PRKCH: variants seen among roughly 807,000 people sequenced by gnomAD.
The protein encoded by PRKCH is protein kinase C eta type.
A neutral mutation model predicts 82.5 loss-of-function variants in PRKCH; 28 were observed. The observed-to-expected ratio is 0.34, with a 90% CI of 0.25 to 0.47. The LOEUF is 0.47. Among genes scored for constraint, PRKCH ranks in the 20% least tolerant of loss-of-function variants. PRKCH has a pLI of 1.00. For synonymous variants in PRKCH, 322 were observed against 327.4 expected, an observed-to-expected ratio of 0.98 and a Z score of 0.18; for missense variants, 705 against 881.8, an observed-to-expected ratio of 0.80 and a Z score of 2.54.
intron 1 of PRKCH, among the ~76,000 whole-genome samples, chr14:61,313,396 C>T (rs1429051194): frequency 6.6e-6 from 1 of 152,186 alleles, no homozygotes. Context: ...TCACATGCTT[C>T]TATCACTAAT....
intron 2 of PRKCH, among the ~76,000 whole-genome samples, chr14:61,437,674 G>C (rs1883741433): frequency 6.6e-6 from 1 of 152,068 alleles, no homozygotes; most frequent in African/African-American, 2.4e-5. Context: ...AGTGCAGGGT[G>C]TGTGGAAGAT....
intron 2 of PRKCH, among the ~76,000 whole-genome samples, chr14:61,427,257 G>A (rs753057823): frequency 6.6e-6 from 1 of 152,168 alleles, no homozygotes; most frequent in Non-Finnish European, 1.5e-5. Context: ...ATTATCTAAG[G>A]ACTTAGAATC....
chr14:61,240,856 C>T (rs2044831017), intron 1 of PRKCH, among the ~76,000 whole-genome samples: 1 of 152,156 alleles, frequency 6.6e-6, no homozygotes, highest in African/African-American at 2.4e-5. Flanking sequence ...GAAAAACAAA[C>T]TCAGTTTCTC....
chr14:61,450,539 A>G (rs537753528), intron 5 of PRKCH, among the ~76,000 whole-genome samples: 26 of 152,316 alleles, frequency 1.7e-4, no homozygotes, highest in African/African-American at 5.8e-4. Flanking sequence ...GTGTTAGGGG[A>G]TTGGCAAGGA....
intron 10 of PRKCH, among the ~76,000 whole-genome samples, chr14:61,523,528 A>C (rs1053811925): frequency 6.6e-6 from 1 of 152,236 alleles, no homozygotes; most frequent in Non-Finnish European, 1.5e-5. Flanking sequence ...CTGTCTAGCT[A>C]TATAATCTTG....
chr14:61,526,070 G>A (rs2140000425), intron 10 of PRKCH, among the ~76,000 whole-genome samples: 1 of 152,254 alleles, frequency 6.6e-6, no homozygotes, highest in African/African-American at 2.4e-5. Flanking sequence ...TCCTTCACTG[G>A]GCAGGACCAC....
intron 1 of PRKCH, among the ~76,000 whole-genome samples, chr14:61,251,834 C>CT (rs796229559): frequency 6.3e-4 from 94 of 148,462 alleles, no homozygotes; most frequent in Admixed American, 2.4e-3. Flanking sequence ...GTATAAGGGT[C>CT]TTTTTTTTTT....
intron 10 of PRKCH, among the ~76,000 whole-genome samples, chr14:61,488,326 A>G (rs1216759614): frequency 1.3e-5 from 2 of 152,140 alleles, no homozygotes; most frequent in African/African-American, 4.8e-5. Flanking sequence ...CTGAGTGTCA[A>G]TCAATCAATA....
chr14:61,304,386 T>C (rs1194008864), intron 1 of PRKCH: 2 of 152,250 alleles, frequency 1.3e-5, no homozygotes, highest in African/African-American at 2.4e-5. Flanking sequence ...TATTTATTAC[T>C]TTCTGTAGTT....
chr14:61,527,573 C>G (rs921787713), intron 10 of PRKCH, among the ~76,000 whole-genome samples: 6 of 152,158 alleles, frequency 3.9e-5, no homozygotes, highest in South Asian at 2.1e-4. Flanking sequence ...TCAGCCTCCC[C>G]CAACTGATCT....
intron 1 of PRKCH, among the ~76,000 whole-genome samples, chr14:61,326,501 T>C (rs1182889345): frequency 6.6e-6 from 1 of 152,196 alleles, no homozygotes; most frequent in African/African-American, 2.4e-5. Context: ...GTTATTCTGA[T>C]TGTGGCAATG....
intron 1 of PRKCH, among the ~76,000 whole-genome samples, chr14:61,235,745 T>G (rs1380767982): frequency 2.0e-5 from 3 of 152,220 alleles, no homozygotes; most frequent in Non-Finnish European, 4.4e-5. Context: ...TTTAATAGTC[T>G]AATTGAGCAA....
chr14:61,425,739 G>T (rs929940632), intron 2 of PRKCH, among the ~76,000 whole-genome samples: 10 of 152,180 alleles, frequency 6.6e-5, no homozygotes, highest in African/African-American at 2.2e-4. Flanking sequence ...TTTGGGAAGG[G>T]CCAGGGCTGG....
intron 2 of PRKCH, among the ~76,000 whole-genome samples, chr14:61,436,456 C>T (rs201989679): frequency 0.018 from 2,741 of 148,272 alleles, 88 homozygotes; most frequent in African/African-American, 0.065. Context: ...ACTATGAGTA[C>T]ATAGTTAAGC....
intron 10 of PRKCH, among the ~76,000 whole-genome samples, chr14:61,489,379 G>A (rs146712483): frequency 6.6e-6 from 1 of 152,356 alleles, no homozygotes; most frequent in East Asian, 1.9e-4. Context: ...AGCTTCAGAA[G>A]GTAGTACCTT....
upstream of PRKCH, among the ~76,000 whole-genome samples, chr14:61,320,602 A>AACAAC (rs1555375325): frequency 0.5 from 76,086 of 151,448 alleles, 22,979 homozygotes; most frequent in Non-Finnish European, 0.66. Context: ...TCCGTCTCAA[A>AACAAC]AACAACAACA....
intron 9 of PRKCH, among the ~76,000 whole-genome samples, chr14:61,481,974 GTCT>G (rs1885994273): frequency 1.4e-5 from 2 of 147,806 alleles, no homozygotes; most frequent in East Asian, 4.1e-4. Context: ...TGATGTGTGG[GTCT>G]TCTTTCCTTT....
In PRKCH at chr14:61,456,855, G is replaced by A. The variant is rs112184730; in HGVS notation, c.961-321G>A. ...GGCGCTCGTGGAATGGGACCTTCCC[G>A]TGGAAAGCCACCGCAGAAGGCACCC... On this transcript the variant is annotated intron_variant, in intron 7 of 13. Transcript: ENST00000332981. 3 of 215,832 alleles carry A rather than the reference G, an allele frequency of 1.4e-5. No homozygotes were observed. The South Asian group carries it at 2.5e-4, about 18-fold the overall frequency. 13.4% of individuals were successfully genotyped at this position (215,832 alleles called of 1,614,324 possible).
At position 61,375,138 on chromosome 14, in the gene PRKCH, T is replaced by C. The variant is rs147261236; in HGVS notation, c.364-16087T>C. 3.2e-3 allele frequency among the ~76,000 whole-genome samples: 491 copies of C among 152,084 alleles called. 9 individuals are homozygous for C. The highest frequency in any genetic ancestry group is 0.012 in the African/African-American group (477 of 41,398). ...TCTCTCAAGTTTAGAGTTCCACAGA[T>C]CTCTAGGGCAGGGCCAAATGCCACC... On this transcript the variant is annotated intron_variant, in intron 1 of 13. Coordinates refer to ENST00000332981, the MANE Select transcript of PRKCH (RefSeq NM_006255.5).
Sources: gnomAD v4.1 joint callset for allele counts (sites outside exome capture counted in the v4.1 genomes callset) on GRCh38, gnomAD v4.1.1 for gene constraint, MANE v1.5 for transcripts, NCBI Gene and HGNC (gene_info 2026-07-23, HGNC 2026-07-21) for gene names.